The following TRDN variants were observed in gnomAD, a reference collection of about 807,000 sequenced individuals.
TRDN encodes the protein triadin in skeletal muscle.
A neutral mutation model predicts 149.7 loss-of-function variants in TRDN; 161 were observed. The ratio of observed to expected loss-of-function variants is 1.08; its 90% CI spans 0.95 to 1.23. The LOEUF (loss-of-function observed/expected upper bound fraction) is 1.23. Ranked by LOEUF, TRDN falls within the 50% of genes most tolerant of loss-of-function variation. The probability of loss-of-function intolerance (pLI) is 0.00; values close to 1 mark genes in which losing one functional copy is unlikely to be tolerated. For synonymous variants in TRDN, 294 were observed against 250.5 expected, an observed-to-expected ratio of 1.17 and a Z score of -1.64; for missense variants, 896 against 823.5, an observed-to-expected ratio of 1.09 and a Z score of -1.08.
chr6:123,405,925 G>A (rs1442171969), intron 12 of TRDN, among the ~76,000 whole-genome samples: 1 of 152,058 alleles, frequency 6.6e-6, no homozygotes, highest in Non-Finnish European at 1.5e-5. Flanking sequence ...GAAGCTTAAC[G>A]ATAGTCCCTC....
intron 1 of TRDN, among the ~76,000 whole-genome samples, chr6:123,588,236 G>A (rs538976526): frequency 6.6e-6 from 1 of 152,052 alleles, no homozygotes; most frequent in Non-Finnish European, 1.5e-5. Context: ...TATATTTTGG[G>A]GTACAATATT....
At chr6:123,532,895 G>A (rs1337252258) in intron 4 of TRDN, among the ~76,000 whole-genome samples, 1 of 151,648 alleles carries the variant, frequency 6.6e-6, no homozygotes. Context: ...AAAACTTTAG[G>A]TCATCCACAG....
intron 24 of TRDN, among the ~76,000 whole-genome samples, chr6:123,307,314 T>C (rs1778651484): frequency 6.6e-6 from 1 of 152,112 alleles, no homozygotes. Flanking sequence ...CTAGAGTATG[T>C]ATTCCAACAC....
At chr6:123,312,056 T>A (rs776543182) in intron 24 of TRDN, among the ~76,000 whole-genome samples, 20 of 151,974 alleles carry the variant, frequency 1.3e-4, no homozygotes, top group Non-Finnish European at 2.6e-4. Context: ...GAAGAAGTAG[T>A]ACCAGAAACA....
At chr6:123,227,730 T>C (rs9490708) in intron 38 of TRDN, among the ~76,000 whole-genome samples, 5,338 of 134,354 alleles carry the variant, frequency 0.04, 325 homozygotes, top group African/African-American at 0.14. Context: ...TTTTTGTTTG[T>C]TTGTTTGTTT....
chr6:123,541,187 A>G (rs746325096), intron 4 of TRDN, among the ~76,000 whole-genome samples: 2 of 152,178 alleles, frequency 1.3e-5, no homozygotes, highest in Non-Finnish European at 2.9e-5. Flanking sequence ...CAGAAGAACT[A>G]CATAAAATGG....
At chr6:123,355,295 C>A (rs1270079109) in intron 20 of TRDN, among the ~76,000 whole-genome samples, 1 of 151,566 alleles carries the variant, frequency 6.6e-6, no homozygotes, top group African/African-American at 2.4e-5. Context: ...ATGTATCAAT[C>A]TTTCCTTTGT....
chr6:123,516,141 C>A lies in TRDN; in HGVS notation c.550G>T (p.Ala184Ser), dbSNP rs576028226. The A allele has an allele frequency of 1.0e-4, 155 of 1,488,968 alleles. No homozygotes were observed. The highest frequency in any genetic ancestry group is 1.4e-4 in the Non-Finnish European group (151 of 1,107,786). The allele number at this position is 1,488,968 out of a possible 1,614,324, so 92.2% of individuals were successfully genotyped here. Reference sequence around the variant, plus strand: ...AACAGTAATAAAAGTAACTTCATACCTTTCTTTTCAGGTTTTTCTTTTTCT... The same window carrying A: ...AACAGTAATAAAAGTAACTTCATACATTTCTTTTCAGGTTTTTCTTTTTCT... ...VREKEKPEKK[A>S]THKEKIEKKE... Residue 184 changes from alanine (A) to serine (S), a missense_variant and splice_region_variant, in exon 6 of 41, where the codon GCA (alanine) becomes TCA (serine). Ala to Ser is a moderately conservative substitution (Grantham distance 99). Coordinates refer to ENST00000334268, the MANE Select transcript of TRDN (RefSeq NM_006073.4).
At chr6:123,443,996 G>T (rs192245085) in intron 10 of TRDN, among the ~76,000 whole-genome samples, 1 of 151,032 alleles carries the variant, frequency 6.6e-6, no homozygotes, top group African/African-American at 2.5e-5. Context: ...TTGACTTGGC[G>T]ATGTAGGCTC....
chr6:123,377,635 C>T, intron 18 of TRDN, 81 bp downstream of exon 18: 1 of 1,538,638 alleles, frequency 6.5e-7, no homozygotes, highest in Non-Finnish European at 8.9e-7. Flanking sequence ...ACTGGCGCTG[C>T]CTTACCACCT....
intron 2 of TRDN, among the ~76,000 whole-genome samples, chr6:123,553,712 G>A (rs1389931119): frequency 1.3e-5 from 2 of 152,146 alleles, no homozygotes; most frequent in Non-Finnish European, 2.9e-5. Flanking sequence ...AAAAGAAAAT[G>A]AGAGCCAAGT....
At chr6:123,560,228 C>T (rs940225002) in intron 2 of TRDN, among the ~76,000 whole-genome samples, 5 of 152,172 alleles carry the variant, frequency 3.3e-5, no homozygotes, top group African/African-American at 7.2e-5. Context: ...TTCTTTCTCA[C>T]ACCGGACGCA....
intron 1 of TRDN, among the ~76,000 whole-genome samples, chr6:123,596,126 C>G (rs1418318501): frequency 6.6e-6 from 1 of 152,034 alleles, no homozygotes; most frequent in Non-Finnish European, 1.5e-5. Flanking sequence ...AAGTGCTACC[C>G]TGGTGAGGAC....
intron 10 of TRDN, among the ~76,000 whole-genome samples, chr6:123,444,455 G>T (rs1203016607): frequency 1.3e-5 from 2 of 150,002 alleles, no homozygotes; most frequent in African/African-American, 5.0e-5. Flanking sequence ...ATACAATCAT[G>T]TCGTCTGCAA....
intron 9 of TRDN, among the ~76,000 whole-genome samples, chr6:123,478,138 C>T (rs1387148885): frequency 6.6e-6 from 1 of 151,234 alleles, no homozygotes; most frequent in Non-Finnish European, 1.5e-5. Flanking sequence ...TTTTATTTTC[C>T]TATTTAATCA....
chr6:123,336,940 G>T (rs529623625), intron 22 of TRDN, among the ~76,000 whole-genome samples: 70 of 151,970 alleles, frequency 4.6e-4, no homozygotes, highest in African/African-American at 1.3e-3. Flanking sequence ...CTCATTGAAG[G>T]CTGAAATAGG....
chr6:123,549,431 G>T (rs1309233569), intron 2 of TRDN, among the ~76,000 whole-genome samples: 2 of 151,938 alleles, frequency 1.3e-5, no homozygotes, highest in African/African-American at 4.8e-5. Flanking sequence ...GGTATAAATT[G>T]CATCTGATTT....
rs75527428 is a variant in TRDN, at chr6:123,505,465, T to C, written c.611-1564A>G. Among the ~76,000 whole-genome samples, 74 of 152,102 alleles carry C rather than the reference T, an allele frequency of 4.9e-4. 2 individuals carry two copies. The East Asian group carries it at 0.014, about 29-fold the overall frequency. ...ACTACGCCAGCACTTCCCAAAACACTGTTTCTCAGATACTTCAGATATTTA... is the reference window on the plus strand; with the variant it reads ...ACTACGCCAGCACTTCCCAAAACACCGTTTCTCAGATACTTCAGATATTTA... On this transcript the variant is annotated intron_variant, in intron 7 of 40. Transcript: ENST00000334268.
chr6:123,377,304 G>A (rs1781546043), intron 18 of TRDN, among the ~76,000 whole-genome samples: 2 of 152,164 alleles, frequency 1.3e-5, no homozygotes, highest in African/African-American at 4.8e-5. Context: ...GATGTATAAT[G>A]CATTTACAAA....
Sources: allele counts gnomAD v4.1 joint callset (sites outside exome capture counted in the v4.1 genomes callset), GRCh38; gene constraint gnomAD v4.1.1; transcripts MANE v1.5; gene names NCBI Gene and HGNC (gene_info 2026-07-23, HGNC 2026-07-21).